SREBF2: variants seen among roughly 807,000 people sequenced by gnomAD.
SREBF2 encodes sterol regulatory element binding transcription factor 2.
SREBF2 carries 55 observed loss-of-function variants against 113.1 expected under a neutral mutation model. The observed-to-expected ratio is 0.49, with a 90% CI of 0.39 to 0.61. SREBF2 has a LOEUF of 0.61. SREBF2 is among the 20% of genes least tolerant of loss of function. The pLI is 0.00. For missense variants in SREBF2, 1,349 were observed against 1,487.4 expected (o/e 0.91, Z 1.53); for synonymous variants, 593 against 605.7 (o/e 0.98, Z 0.31).
intron 11 of SREBF2, among the ~76,000 whole-genome samples, chr22:41,889,195 G>A (rs1377896303): frequency 2.0e-5 from 3 of 152,028 alleles, no homozygotes; most frequent in Non-Finnish European, 4.4e-5. Context: ...GTGCAATCAC[G>A]GCACACTCTA....
chr22:41,846,883 G>C (rs920161128), intron 1 of SREBF2, among the ~76,000 whole-genome samples: 5 of 152,160 alleles, frequency 3.3e-5, no homozygotes, highest in African/African-American at 1.2e-4. Flanking sequence ...AGTTTATGGA[G>C]TTGGTTAGGT....
At chr22:41,875,755 G>T (rs780436242) in intron 7 of SREBF2, 31 bp downstream of exon 7, 3 of 1,612,338 alleles carry the variant, frequency 1.9e-6, no homozygotes, top group Non-Finnish European at 2.5e-6. Context: ...CTGATCCCTG[G>T]AATCTTTCCC....
At chr22:41,850,840 A>G (rs1431553305) in intron 1 of SREBF2, among the ~76,000 whole-genome samples, 1 of 152,058 alleles carries the variant, frequency 6.6e-6, no homozygotes. Context: ...TCCAGGGTTC[A>G]AGTGATTCTC....
Position 41,873,911 on chromosome 22 carries a change from A to G in SREBF2, c.981A>G (p.Lys327=), listed in dbSNP as rs1275605321. ...PGGVKQLEPP[K]EGERRTTHNI... ...GAGTCAAGCAGCTTGAGCCCCCCAA[A>G]GAAGGAGAAAGGCGGACAACCCATA... is the stretch of plus-strand genomic sequence containing the variant. The change falls in exon 5 of 19, where the codon AAA becomes AAG. Residue 327 remains lysine, a synonymous_variant. Transcript: ENST00000361204. The G allele has an allele frequency of 6.2e-7, 1 of 1,614,086 alleles. No homozygotes were observed. Among genetic ancestry groups the G allele is most frequent in the East Asian group, 2.2e-5 (1 of 44,898 alleles).
At chr22:41,852,780 C>G (rs1307044240) in intron 1 of SREBF2, among the ~76,000 whole-genome samples, 2 of 27,770 alleles carry the variant, frequency 7.2e-5, no homozygotes, top group Non-Finnish European at 1.6e-4. Context: ...GAGTTTTGCT[C>G]TTTTTGCTCT....
At chr22:41,896,935 A>G in intron 13 of SREBF2, 117 bp from the exon 14 acceptor site, 2 of 721,272 alleles carry the variant, frequency 2.8e-6, no homozygotes, top group Middle Eastern at 2.8e-4. Flanking sequence ...CTGGGATGAC[A>G]GGAAAGGGAC....
chr22:41,890,601 A>G (rs1329551304), intron 11 of SREBF2, among the ~76,000 whole-genome samples: 2 of 152,084 alleles, frequency 1.3e-5, no homozygotes, highest in African/African-American at 4.8e-5. Flanking sequence ...GATGAGTTAC[A>G]GGGGGAGGCT....
In SREBF2 at chr22:41,904,709, G is replaced by C. The variant is rs762136206; in HGVS notation, c.3094-154G>C. 6.9e-6 allele frequency: 5 copies of C among 727,616 alleles called. No individual in the cohort carries two copies. The South Asian group carries it at 7.5e-5, about 11-fold the overall frequency. The allele number at this position is 727,616 out of a possible 1,614,324, so 45.1% of individuals were successfully genotyped here. On this transcript the variant is annotated intron_variant, in intron 17 of 18. Coordinates refer to ENST00000361204, the MANE Select transcript of SREBF2 (RefSeq NM_004599.4). ...TGCCTGGCTCAGGGTCAGAGTACGG[G>C]ACAACAGAGGTTGCTTTTCAGGGGT...
rs146478432 is a variant in SREBF2 at position 41,868,792 on chromosome 22, G to A, written c.720G>A (p.Pro240=). 1,403 of 1,607,042 alleles carry A rather than the reference G, an allele frequency of 8.7e-4. No individual in the cohort carries two copies. Among genetic ancestry groups the A allele is most frequent in the Non-Finnish European group, 1.1e-3 (1,332 of 1,176,850 alleles). The change falls in exon 3 of 19, where the codon CCG becomes CCA. Residue 240 remains proline (P), a splice_region_variant and synonymous_variant. Transcript: ENST00000361204. Reference sequence around the variant, plus strand: ...CTGCGCCACAGGTGCAGCAGGTCCCGGTAAGTGGCTGGAAAGGATTCAGGG... The same window carrying A: ...CTGCGCCACAGGTGCAGCAGGTCCCAGTAAGTGGCTGGAAAGGATTCAGGG... ...TVAAPQVQQV[P]VLVQPQIIKT...
intron 1 of SREBF2, among the ~76,000 whole-genome samples, chr22:41,864,223 CATATATATAT>C (rs756489276): frequency 0.056 from 2,582 of 46,288 alleles, 84 homozygotes; most frequent in Non-Finnish European, 0.076. Context: ...CTTCTGCAAG[CATATATATAT>C]ATATATATAT....
chr22:41,864,760 T>C (rs1295556882), intron 1 of SREBF2, among the ~76,000 whole-genome samples: 3 of 151,464 alleles, frequency 2.0e-5, no homozygotes, highest in Non-Finnish European at 4.4e-5. Flanking sequence ...GAGACCAGCC[T>C]GGGCAACATG....
At chr22:41,893,735 C>T (rs900213595) in intron 12 of SREBF2, among the ~76,000 whole-genome samples, 1 of 152,162 alleles carries the variant, frequency 6.6e-6, no homozygotes, top group Non-Finnish European at 1.5e-5. Context: ...TCATCAACTG[C>T]TCAGAGTGGT....
At chr22:41,848,233 C>G (rs2076896054) in intron 1 of SREBF2, among the ~76,000 whole-genome samples, 1 of 152,020 alleles carries the variant, frequency 6.6e-6, no homozygotes, top group African/African-American at 2.4e-5. Context: ...GTATATCTCC[C>G]AATGCTATCC....
At chr22:41,882,608 C>A (rs938441277) in intron 10 of SREBF2, among the ~76,000 whole-genome samples, 7 of 152,184 alleles carry the variant, frequency 4.6e-5, no homozygotes, top group African/African-American at 1.7e-4. Flanking sequence ...GAGTTCGAGA[C>A]CTGCCTGGCC....
chr22:41,867,536 G>A (rs1257613421), intron 2 of SREBF2, among the ~76,000 whole-genome samples: 1 of 152,102 alleles, frequency 6.6e-6, no homozygotes, highest in Non-Finnish European at 1.5e-5. Flanking sequence ...GCCGGGCGCG[G>A]TGGCTCACGC....
At chr22:41,882,454 A>G (rs1312429558) in intron 10 of SREBF2, among the ~76,000 whole-genome samples, 2 of 152,190 alleles carry the variant, frequency 1.3e-5, no homozygotes, top group East Asian at 1.9e-4. Flanking sequence ...AAGGGAGCCT[A>G]TGAGAGTGGA....
At chr22:41,883,109 G>C (rs757185701) in intron 10 of SREBF2, among the ~76,000 whole-genome samples, 4 of 152,208 alleles carry the variant, frequency 2.6e-5, no homozygotes, top group Non-Finnish European at 5.9e-5. Context: ...TAGAGGATGG[G>C]GAGTCAGGGG....
intron 17 of SREBF2, 83 bp from the exon 18 acceptor site, chr22:41,904,780 C>A: frequency 9.0e-7 from 1 of 1,113,152 alleles, no homozygotes; most frequent in Non-Finnish European, 1.3e-6. Context: ...AGGTGGCAGG[C>A]GAGATGGCTC....
chr22:41,834,161 C>G (rs888185919), intron 1 of SREBF2, among the ~76,000 whole-genome samples: 1 of 152,126 alleles, frequency 6.6e-6, no homozygotes, highest in Non-Finnish European at 1.5e-5. Context: ...AGAGGGTCAG[C>G]GGCTTGCTCA....
Sources: gnomAD v4.1 joint callset for allele counts (sites outside exome capture counted in the v4.1 genomes callset) on GRCh38, gnomAD v4.1.1 for gene constraint, MANE v1.5 for transcripts, NCBI Gene and HGNC (gene_info 2026-07-23, HGNC 2026-07-21) for gene names.